TNKS: variants seen among roughly 807,000 people sequenced by gnomAD.
TNKS encodes the protein poly [ADP-ribose] polymerase tankyrase-1.
In TNKS, 72 loss-of-function variants were observed where a neutral mutation model predicts 135.8. The observed-to-expected ratio is 0.53, with a 90% CI of 0.44 to 0.64. TNKS has a LOEUF of 0.64. Ranked by LOEUF, TNKS falls within the 30% of genes least tolerant of loss-of-function variation. The probability of loss-of-function intolerance (pLI) is 0.00; values close to 1 mark genes in which losing one functional copy is unlikely to be tolerated. For synonymous variants in TNKS, 849 were observed against 649.3 expected, an observed-to-expected ratio of 1.31 and a Z score of -4.68; for missense variants, 1,769 against 1,674.0, an observed-to-expected ratio of 1.06 and a Z score of -0.99.
At chr8:9,608,590 C>A (rs1185850178) in intron 2 of TNKS, among the ~76,000 whole-genome samples, 1 of 152,132 alleles carries the variant, frequency 6.6e-6, no homozygotes, top group African/African-American at 2.4e-5. Context: ...TTGTCCTGCA[C>A]AGGTACAGCC....
intron 1 of TNKS, among the ~76,000 whole-genome samples, chr8:9,561,118 G>A (rs186795876): frequency 1.2e-4 from 18 of 152,204 alleles, no homozygotes; most frequent in East Asian, 7.7e-4. Context: ...TCTTTTATCC[G>A]TCAATCATCT....
chr8:9,706,479 C>T (rs1168873204), intron 7 of TNKS, among the ~76,000 whole-genome samples: 1 of 152,212 alleles, frequency 6.6e-6, no homozygotes, highest in African/African-American at 2.4e-5. Flanking sequence ...TCCTCCCCCT[C>T]AGCCTCCCCA....
At chr8:9,748,266 A>C (rs1806339386) in intron 18 of TNKS, 54 bp downstream of exon 18, 1 of 1,345,034 alleles carries the variant, frequency 7.4e-7, no homozygotes, top group Middle Eastern at 2.1e-4. Context: ...CACAGATGAC[A>C]TCAGATTCTC....
At chr8:9,613,510 A>G (rs1799535684) in intron 2 of TNKS, among the ~76,000 whole-genome samples, 1 of 152,214 alleles carries the variant, frequency 6.6e-6, no homozygotes, top group Admixed American at 6.5e-5. Context: ...ATATGTGATG[A>G]ATGAAATATG....
At chr8:9,724,679 T>C (rs1172996319) in intron 12 of TNKS, among the ~76,000 whole-genome samples, 1 of 152,214 alleles carries the variant, frequency 6.6e-6, no homozygotes, top group Admixed American at 6.5e-5. Context: ...ATTCAAGATA[T>C]GTAATAGGTG....
intron 3 of TNKS, among the ~76,000 whole-genome samples, chr8:9,659,057 C>T (rs1801567508): frequency 6.6e-6 from 1 of 152,164 alleles, no homozygotes; most frequent in South Asian, 2.1e-4. Context: ...TATATGCACT[C>T]AATACAGGAG....
At chr8:9,564,993 A>T (rs1329944745) in intron 1 of TNKS, among the ~76,000 whole-genome samples, 3 of 150,650 alleles carry the variant, frequency 2.0e-5, no homozygotes, top group Non-Finnish European at 4.4e-5. Context: ...GGAGCTCAGG[A>T]TAACCCCGGG....
At chr8:9,670,388 C>T (rs1376949909) in intron 3 of TNKS, among the ~76,000 whole-genome samples, 23 of 152,216 alleles carry the variant, frequency 1.5e-4, no homozygotes, top group Non-Finnish European at 3.1e-4. Flanking sequence ...ATTGGGAAAC[C>T]ATTCGCCTGT....
intron 3 of TNKS, among the ~76,000 whole-genome samples, chr8:9,653,274 A>C (rs1002820918): frequency 6.6e-6 from 1 of 152,096 alleles, no homozygotes; most frequent in African/African-American, 2.4e-5. Flanking sequence ...GATAGGTTTG[A>C]CTTCAGGGTC....
chr8:9,661,364 T>C (rs1367639095), intron 3 of TNKS, among the ~76,000 whole-genome samples: 8 of 152,190 alleles, frequency 5.3e-5, no homozygotes, highest in African/African-American at 1.9e-4. Flanking sequence ...CAAAACAGCA[T>C]GGTACTGGTA....
chr8:9,768,513 A>C (rs889789518), intron 25 of TNKS, among the ~76,000 whole-genome samples: 2 of 152,238 alleles, frequency 1.3e-5, no homozygotes, highest in Admixed American at 6.5e-5. Flanking sequence ...CGTCTGCAGA[A>C]TGCACCACAA....
At chr8:9,651,660 C>A (rs1402601714) in intron 3 of TNKS, among the ~76,000 whole-genome samples, 2 of 152,126 alleles carry the variant, frequency 1.3e-5, no homozygotes, top group Non-Finnish European at 2.9e-5. Flanking sequence ...TGAAGCCAGG[C>A]TGGTGATGTC....
chr8:9,728,419 A>T (rs1265734505), intron 13 of TNKS, among the ~76,000 whole-genome samples: 1 of 152,248 alleles, frequency 6.6e-6, no homozygotes, highest in Non-Finnish European at 1.5e-5. Flanking sequence ...AAATCTTAAA[A>T]ATCAAATATT....
Position 9,556,290 on chromosome 8 carries a change from T to C in TNKS, c.351T>C (p.Ala117=). The C allele has an allele frequency of 6.2e-7, 1 of 1,614,206 alleles. No individual in the cohort carries two copies. Among genetic ancestry groups the C allele is most frequent in the Non-Finnish European group, 8.5e-7 (1 of 1,180,016 alleles). Residue 117 remains alanine (A), a synonymous_variant, in exon 1 of 27, where the codon GCT becomes GCC. Coordinates refer to ENST00000310430, the MANE Select transcript of TNKS (RefSeq NM_003747.3). ...CTACTTCATCTGCCGCTGGGGTCGC[T>C]CCCAACCCAGCCGGCAGTGGCAGTA... ...AVSTSSAAGV[A]PNPAGSGSNN...
At chr8:9,610,068 AG>A (rs1799393496) in intron 2 of TNKS, among the ~76,000 whole-genome samples, 1 of 152,100 alleles carries the variant, frequency 6.6e-6, no homozygotes, top group African/African-American at 2.4e-5. Flanking sequence ...CTTGTTAGCC[AG>A]GGTGGTCTTG....
rs185639210 is a variant in TNKS at position 9,771,733 on chromosome 8, G to A, written c.3897+1471G>A. ...AAAGCGAGAGAGGAAGGAACAGGGA[G>A]TGAGAAAGGAAGGATTGGAGGAAGG... is the stretch of plus-strand genomic sequence containing the variant. On this transcript the variant is annotated intron_variant, in intron 26 of 26. Coordinates refer to ENST00000310430, the MANE Select transcript of TNKS (RefSeq NM_003747.3). Among the ~76,000 whole-genome samples the A allele has an allele frequency of 5.8e-3, 700 of 120,264 alleles. 13 individuals are homozygous for A. Among genetic ancestry groups the A allele is most frequent in the African/African-American group, 0.022 (660 of 29,628 alleles). 78.9% of individuals were successfully genotyped at this position (120,264 alleles called of 152,430 possible). A position where few individuals can be genotyped will look rare whatever the true frequency, so the allele number is the denominator to read the frequency against.
chr8:9,690,338 C>G (rs1362047407), intron 5 of TNKS, among the ~76,000 whole-genome samples: 1 of 152,190 alleles, frequency 6.6e-6, no homozygotes, highest in Non-Finnish European at 1.5e-5. Flanking sequence ...GCATTCAGAG[C>G]TTTATTCTCA....
intron 12 of TNKS, among the ~76,000 whole-genome samples, chr8:9,721,188 A>G (rs1275784874): frequency 6.6e-6 from 1 of 151,040 alleles, no homozygotes. Context: ...GGCTGAGGCA[A>G]GGAGAATTGC....
chr8:9,720,294 C>A (rs5025210), intron 11 of TNKS, 80 bp from the exon 12 acceptor site: 942,830 of 1,281,588 alleles, frequency 0.74, 348,420 homozygotes, highest in Admixed American at 0.83. Context: ...ATTTTTTTTT[C>A]ATAAGAATGT....
Sources: gnomAD v4.1 joint callset for allele counts (sites outside exome capture counted in the v4.1 genomes callset) on GRCh38, gnomAD v4.1.1 for gene constraint, MANE v1.5 for transcripts, NCBI Gene and HGNC (gene_info 2026-07-23, HGNC 2026-07-21) for gene names.